ADARB2: variants seen among roughly 807,000 people sequenced by gnomAD.
The protein encoded by ADARB2 is adenosine deaminase RNA specific B2 (inactive).
In ADARB2, 25 loss-of-function variants were observed where a neutral mutation model predicts 62.2. That is an observed-to-expected ratio of 0.40 (90% CI 0.29 to 0.56). The LOEUF is 0.56. Among genes scored for constraint, ADARB2 ranks in the 20% least tolerant of loss-of-function variants. ADARB2 has a pLI of 0.43. For synonymous variants in ADARB2, 572 were observed against 500.8 expected (o/e 1.14, Z -1.90); for missense variants, 1,071 against 1,077.4 (o/e 0.99, Z 0.08).
At chr10:1,730,718 A>G (rs1173247047) in intron 1 of ADARB2, among the ~76,000 whole-genome samples, 1 of 152,158 alleles carries the variant, frequency 6.6e-6, no homozygotes, top group African/African-American at 2.4e-5. Flanking sequence ...TAAGTATAAA[A>G]TCCCCTCCTT....
chr10:1,691,736 T>C (rs550442039), intron 1 of ADARB2, among the ~76,000 whole-genome samples: 1 of 152,274 alleles, frequency 6.6e-6, no homozygotes, highest in East Asian at 1.9e-4. Context: ...CTCTGGTTCG[T>C]CCCGCACCAC....
chr10:1,626,257 G>GT (rs1833767332), intron 1 of ADARB2, among the ~76,000 whole-genome samples: 1 of 139,058 alleles, frequency 7.2e-6, no homozygotes, highest in African/African-American at 2.8e-5. Flanking sequence ...CCCCACATCT[G>GT]CCCATGCTCT....
At chr10:1,287,750 A>G (rs1030418729) in intron 3 of ADARB2, among the ~76,000 whole-genome samples, 4 of 152,138 alleles carry the variant, frequency 2.6e-5, no homozygotes, top group Admixed American at 6.5e-5. Flanking sequence ...ATGTACCTTT[A>G]TTTCTGTTTA....
At chr10:1,300,091 T>G (rs1019816119) in intron 3 of ADARB2, among the ~76,000 whole-genome samples, 4 of 152,186 alleles carry the variant, frequency 2.6e-5, no homozygotes, top group African/African-American at 9.7e-5. Flanking sequence ...ATTTTCCCAC[T>G]CTGCCCTCCA....
At chr10:1,283,549 G>A (rs766387816) in intron 3 of ADARB2, among the ~76,000 whole-genome samples, 2 of 152,244 alleles carry the variant, frequency 1.3e-5, no homozygotes, top group Non-Finnish European at 2.9e-5. Context: ...GTTCATCAGA[G>A]GAGTGTTGAC....
intron 1 of ADARB2, among the ~76,000 whole-genome samples, chr10:1,537,808 G>A (rs1205724322): frequency 2.6e-5 from 4 of 152,130 alleles, no homozygotes; most frequent in Non-Finnish European, 4.4e-5. Flanking sequence ...ACCGGGACCT[G>A]TCAGGGGGTG....
At chr10:1,673,220 A>G (rs1279312415) in intron 1 of ADARB2, among the ~76,000 whole-genome samples, 1 of 152,222 alleles carries the variant, frequency 6.6e-6, no homozygotes, top group Admixed American at 6.5e-5. Context: ...TTATTATAAT[A>G]AAAAGTAAAT....
At chr10:1,299,940 G>A (rs902976305) in intron 3 of ADARB2, among the ~76,000 whole-genome samples, 4 of 152,112 alleles carry the variant, frequency 2.6e-5, no homozygotes, top group African/African-American at 7.2e-5. Flanking sequence ...GCCACTTCAC[G>A]CCTGGCCATC....
intron 1 of ADARB2, among the ~76,000 whole-genome samples, chr10:1,387,868 C>T (rs1223184340): frequency 6.6e-6 from 1 of 152,020 alleles, no homozygotes; most frequent in African/African-American, 2.4e-5. Flanking sequence ...AAATCAAGTT[C>T]ATCCCTATAT....
intron 1 of ADARB2, among the ~76,000 whole-genome samples, chr10:1,485,777 C>T (rs1359274206): frequency 2.0e-5 from 3 of 152,222 alleles, no homozygotes; most frequent in South Asian, 4.1e-4. Flanking sequence ...CCCCCATGTT[C>T]ATTCCTCTGT....
intron 3 of ADARB2, among the ~76,000 whole-genome samples, chr10:1,302,548 C>T (rs1324622678): frequency 1.3e-5 from 2 of 152,196 alleles, no homozygotes; most frequent in Non-Finnish European, 2.9e-5. Flanking sequence ...GGCCTGCGTG[C>T]CTCTGTAGGC....
intron 6 of ADARB2, among the ~76,000 whole-genome samples, chr10:1,220,096 ATGG>A (rs374892964): frequency 7.3e-4 from 87 of 118,556 alleles, no homozygotes; most frequent in African/African-American, 1.9e-3. Flanking sequence ...GGTAATGGTG[ATGG>A]TGGTGGTGGT....
At chr10:1,339,413 G>A (rs1832002893) in intron 3 of ADARB2, among the ~76,000 whole-genome samples, 1 of 152,186 alleles carries the variant, frequency 6.6e-6, no homozygotes, top group Non-Finnish European at 1.5e-5. Flanking sequence ...CAGAGCCTTC[G>A]TTTCATTCAT....
intron 3 of ADARB2, among the ~76,000 whole-genome samples, chr10:1,329,074 A>C (rs139909182): frequency 2.0e-5 from 3 of 151,586 alleles, no homozygotes; most frequent in Admixed American, 2.0e-4. Flanking sequence ...TCTGGTTCAG[A>C]CACACTGCTC....
chr10:1,331,522 C>T (rs1185366404), intron 3 of ADARB2, among the ~76,000 whole-genome samples: 2 of 152,150 alleles, frequency 1.3e-5, no homozygotes, highest in African/African-American at 4.8e-5. Flanking sequence ...TTCTATTTAC[C>T]TGAAATGTCC....
chr10:1,272,497 G>A (rs1831272129), intron 3 of ADARB2, among the ~76,000 whole-genome samples: 1 of 152,256 alleles, frequency 6.6e-6, no homozygotes, highest in African/African-American at 2.4e-5. Flanking sequence ...TTCTTCTGCA[G>A]TCAAGGGCAG....
intron 1 of ADARB2, among the ~76,000 whole-genome samples, chr10:1,585,520 AT>A (rs1371622677): frequency 1.2e-4 from 18 of 152,118 alleles, no homozygotes; most frequent in Non-Finnish European, 8.8e-5. Context: ...CCTCTGCCCT[AT>A]TGCTTATGTA....
chr10:1,523,914 C>A (rs1229742626), intron 1 of ADARB2, among the ~76,000 whole-genome samples: 1 of 152,180 alleles, frequency 6.6e-6, no homozygotes, highest in Non-Finnish European at 1.5e-5. Context: ...CTCTAATCAA[C>A]CTGATCTGTC....
chr10:1,558,988 T>C (rs576485873), intron 1 of ADARB2, among the ~76,000 whole-genome samples: 58 of 152,330 alleles, frequency 3.8e-4, no homozygotes, highest in Non-Finnish European at 5.3e-4. Context: ...GTACATCTGG[T>C]GTCTGTGTCT....
Sources: gnomAD v4.1 joint callset for allele counts (sites outside exome capture counted in the v4.1 genomes callset) on GRCh38, gnomAD v4.1.1 for gene constraint, MANE v1.5 for transcripts, NCBI Gene and HGNC (gene_info 2026-07-23, HGNC 2026-07-21) for gene names.